CCDC144A: variants seen among roughly 807,000 people sequenced by gnomAD.
The protein encoded by CCDC144A is coiled-coil domain containing 144A.
Under a neutral mutation model 143.8 loss-of-function variants are expected in CCDC144A, and 41 were observed. The observed-to-expected ratio is 0.29, with a 90% confidence interval of 0.22 to 0.37. CCDC144A has a LOEUF of 0.37. CCDC144A is among the 10% of genes least tolerant of loss of function. The probability of loss-of-function intolerance (pLI) is 1.00; values close to 1 mark genes in which losing one functional copy is unlikely to be tolerated. For missense variants in CCDC144A, 637 were observed against 1,488.8 expected (o/e 0.43, Z 9.41); for synonymous variants, 242 against 517.9 (o/e 0.47, Z 7.23).
chr17:16,771,734 C>A (rs2656414), intron 15 of CCDC144A, among the ~76,000 whole-genome samples: 21 of 152,362 alleles, frequency 1.4e-4, no homozygotes, highest in African/African-American at 4.8e-4. Context: ...AATGACATAG[C>A]TCCAACAGAC....
At chr17:16,728,966 C>A (rs1913567730) in intron 9 of CCDC144A, among the ~76,000 whole-genome samples, 1 of 152,150 alleles carries the variant, frequency 6.6e-6, no homozygotes, top group African/African-American at 2.4e-5. Context: ...ATATATACCA[C>A]ATATTATTTA....
chr17:16,685,922 C>T (rs1910759948), upstream of CCDC144A, among the ~76,000 whole-genome samples: 1 of 151,186 alleles, frequency 6.6e-6, no homozygotes, highest in Non-Finnish European at 1.5e-5. Context: ...CAGGCGCCCA[C>T]CACCACATCT....
the CCDC144A span, among the ~76,000 whole-genome samples, chr17:16,675,462 T>C: frequency 6.6e-6 from 1 of 151,834 alleles, no homozygotes; most frequent in Non-Finnish European, 1.5e-5. Flanking sequence ...CCTTTCATTT[T>C]AAAATTTGGG....
the CCDC144A span, chr17:16,683,581 T>C: frequency 6.2e-7 from 1 of 1,609,868 alleles, no homozygotes; most frequent in Admixed American, 1.7e-5. Context: ...AAAGCACAGG[T>C]GGACCGGTTT....
At chr17:16,744,147 G>T (rs572266796) in intron 12 of CCDC144A, among the ~76,000 whole-genome samples, 194 of 152,260 alleles carry the variant, frequency 1.3e-3, no homozygotes, top group Non-Finnish European at 2.3e-3. Flanking sequence ...GTGAACATTG[G>T]GTGCATGTGT....
intron 15 of CCDC144A, among the ~76,000 whole-genome samples, chr17:16,769,526 T>C (rs2143406819): frequency 6.6e-6 from 1 of 152,368 alleles, no homozygotes; most frequent in South Asian, 2.1e-4. Context: ...ATTGACTTGA[T>C]TGATTTTCCT....
At chr17:16,720,835 T>C (rs1354733735) in intron 8 of CCDC144A, among the ~76,000 whole-genome samples, 177 bp downstream of exon 8, 2 of 152,210 alleles carry the variant, frequency 1.3e-5, no homozygotes, top group East Asian at 3.8e-4. Context: ...TGTACTTTTC[T>C]CAGTGTGAGT....
At chr17:16,733,630 C>G (rs2143242825) in intron 11 of CCDC144A, among the ~76,000 whole-genome samples, 1 of 149,832 alleles carries the variant, frequency 6.7e-6, no homozygotes, top group Admixed American at 6.6e-5. Context: ...TCATGATTTT[C>G]TAAGAAAAGC....
chr17:16,688,819 G>A (rs187566095), upstream of CCDC144A, among the ~76,000 whole-genome samples: 5 of 152,104 alleles, frequency 3.3e-5, no homozygotes, highest in African/African-American at 7.2e-5. Flanking sequence ...GCTTCCTTAC[G>A]CCTTTCTAGT....
chr17:16,693,336 T>TTTTA (rs1911201778), intron 2 of CCDC144A, among the ~76,000 whole-genome samples: 1 of 152,072 alleles, frequency 6.6e-6, no homozygotes, highest in African/African-American at 2.4e-5. Context: ...GTTTTTTTTT[T>TTTTA]GAGACGGAGT....
upstream of CCDC144A, chr17:16,689,802 T>G (rs1910934646): frequency 6.6e-6 from 1 of 152,268 alleles, no homozygotes. Context: ...GCCATCTGAC[T>G]CCGCTTGCGT....
chr17:16,777,457 T>C lies in CCDC144A; in HGVS notation c.*3824T>C, dbSNP rs1442037312. 2 of 147,788 alleles carry C rather than the reference T, an allele frequency of 1.4e-5. No homozygotes were observed. Among genetic ancestry groups the C allele is most frequent in the Non-Finnish European group, 1.5e-5 (1 of 66,604 alleles). The allele number at this position is 147,788 out of a possible 1,614,324, so 9.2% of individuals were successfully genotyped here. A position where few individuals can be genotyped will look rare whatever the true frequency, so the allele number is the denominator to read the frequency against. On this transcript the variant is annotated 3_prime_UTR_variant, in exon 17 of 17. Transcript: ENST00000399273. ...ACATTCTCCAAAATAGACCATATGA[T>C]AGGGCACAAAACAAGTCTCAGTAAA...
intron 8 of CCDC144A, among the ~76,000 whole-genome samples, chr17:16,726,250 A>G: frequency 6.6e-6 from 1 of 151,430 alleles, no homozygotes; most frequent in East Asian, 1.9e-4. Flanking sequence ...GCGCGGTGGC[A>G]GGCGCCTGTA....
At position 16,702,877 on chromosome 17, in the gene CCDC144A, T is replaced by A. The variant is rs544597253; in HGVS notation, c.416-2274T>A. On this transcript the variant is annotated intron_variant, in intron 2 of 16. Coordinates refer to ENST00000399273, the MANE Select transcript of CCDC144A (RefSeq NM_001382000.1). ...GGTGAACGTGCAGCACCAAAACTTA[T>A]CAGATAAGACAAACTTTACTTGCCA... 4.0e-3 allele frequency among the ~76,000 whole-genome samples: 605 copies of A among 151,924 alleles called. 7 individuals are homozygous for A. Among genetic ancestry groups the A allele is most frequent in the Non-Finnish European group, 6.6e-3 (450 of 67,964 alleles).
chr17:16,761,780 A>G, intron 13 of CCDC144A, 62 bp downstream of exon 13: 4 of 1,450,982 alleles, frequency 2.8e-6, no homozygotes, highest in East Asian at 2.4e-5. Context: ...TTTTGGATAT[A>G]TACATTGTAC....
intron 12 of CCDC144A, chr17:16,746,079 C>G: frequency 6.2e-7 from 1 of 1,607,174 alleles, no homozygotes; most frequent in Non-Finnish European, 8.5e-7. Flanking sequence ...CTTCAGCGAG[C>G]CTTCCACGGG....
the CCDC144A span, chr17:16,683,443 C>G: frequency 3.9e-5 from 46 of 1,170,334 alleles, 1 homozygote; most frequent in African/African-American, 6.2e-5. Flanking sequence ...AGCGATGAGC[C>G]GGCTTCTGTC....
In CCDC144A at chr17:16,758,455, G is replaced by C. The variant is rs867862053; in HGVS notation, c.3373-2970G>C. Among the ~76,000 whole-genome samples the C allele has an allele frequency of 3.3e-5, 5 of 152,212 alleles. No individual in the cohort carries two copies. In the South Asian group the frequency reaches 8.3e-4, roughly 25 times the overall value. On this transcript the variant is annotated intron_variant, in intron 12 of 16. Transcript: ENST00000399273. ...GTGCATTTCTTGTCAACACAAAGAC[G>C]TAAGAACTAAAGGGACAACTTGTCT... is the stretch of plus-strand genomic sequence containing the variant.
In CCDC144A at chr17:16,734,718, A is replaced by G; in HGVS notation, c.2447A>G (p.Asp816Gly). 6.3e-7 allele frequency: 1 copy of G among 1,586,462 alleles called. No individual in the cohort carries two copies. The highest frequency in any genetic ancestry group is 1.2e-5 in the South Asian group (1 of 85,596). The change falls in exon 12 of 17, where the codon GAT becomes GGT. Residue 816 changes from aspartate to glycine, a missense_variant. By Grantham distance (94) the Asp-to-Gly change is moderately conservative. Coordinates refer to ENST00000399273, the MANE Select transcript of CCDC144A (RefSeq NM_001382000.1). The stretch of plus-strand genomic sequence containing the variant: ...TCTCATAGGCATCAGAAAGAAAAGG[A>G]TCTCTTTCATGAAGATTGCATGTTG... ...EISHRHQKEK[D>G]LFHEDCMLQE...
Sources: gnomAD v4.1 joint callset for allele counts (sites outside exome capture counted in the v4.1 genomes callset) on GRCh38, gnomAD v4.1.1 for gene constraint, MANE v1.5 for transcripts, NCBI Gene and HGNC (gene_info 2026-07-23, HGNC 2026-07-21) for gene names.